Variants in RAB3GAP1 observed in about 807,000 individuals in gnomAD.
RAB3GAP1 encodes the protein rab3 GTPase-activating protein catalytic subunit.
Under a neutral mutation model 130.7 loss-of-function variants are expected in RAB3GAP1, and 86 were observed. The ratio of observed to expected loss-of-function variants is 0.66; its 90% CI spans 0.55 to 0.79. RAB3GAP1 has a LOEUF of 0.79. Among genes scored for constraint, RAB3GAP1 ranks in the 30% least tolerant of loss-of-function variants. The pLI, the probability that RAB3GAP1 is intolerant of heterozygous loss-of-function variation, is 0.00. For synonymous variants in RAB3GAP1, 367 were observed against 401.7 expected, an observed-to-expected ratio of 0.91 and a Z score of 1.03; for missense variants, 1,029 against 1,169.4, an observed-to-expected ratio of 0.88 and a Z score of 1.75.
At chr2:135,116,305 A>G (rs1690971313) in intron 7 of RAB3GAP1, among the ~76,000 whole-genome samples, 2 of 151,870 alleles carry the variant, frequency 1.3e-5, no homozygotes, top group South Asian at 4.1e-4. Flanking sequence ...AAATAAATAT[A>G]TTAATTATGA....
chr2:135,131,373 G>A (rs1212387218), intron 13 of RAB3GAP1, among the ~76,000 whole-genome samples: 9 of 151,958 alleles, frequency 5.9e-5, no homozygotes, highest in South Asian at 4.2e-4. Context: ...CTACAGTCAC[G>A]TGCCACCATG....
chr2:135,117,594 G>GCTTCTTCTTCTTCTT (rs1691038567), intron 7 of RAB3GAP1, among the ~76,000 whole-genome samples: 8 of 19,116 alleles, frequency 4.2e-4, no homozygotes, highest in African/African-American at 1.1e-3. Flanking sequence ...TTCTTCTTCT[G>GCTTCTTCTTCTTCTT]CTGCTTCTTC....
intron 6 of RAB3GAP1, 104 bp downstream of exon 6, chr2:135,113,374 C>A (rs1214135483): frequency 7.0e-7 from 1 of 1,425,246 alleles, no homozygotes; most frequent in Non-Finnish European, 9.8e-7. Flanking sequence ...TAATTAGGAA[C>A]TTAGTGCATA....
intron 3 of RAB3GAP1, among the ~76,000 whole-genome samples, chr2:135,083,972 C>T (rs1049647104): frequency 5.9e-5 from 9 of 151,804 alleles, no homozygotes; most frequent in African/African-American, 7.3e-5. Context: ...TGACCGGGTG[C>T]GGTGGCTCAT....
chr2:135,080,691 G>A (rs1316205308), intron 3 of RAB3GAP1, among the ~76,000 whole-genome samples: 1 of 152,116 alleles, frequency 6.6e-6, no homozygotes, highest in African/African-American at 2.4e-5. Context: ...CTTTGCTCAG[G>A]ATCTCTTCCT....
intron 4 of RAB3GAP1, among the ~76,000 whole-genome samples, chr2:135,091,340 A>G (rs1036445021): frequency 1.3e-5 from 2 of 152,190 alleles, no homozygotes; most frequent in African/African-American, 4.8e-5. Context: ...TTGAGTACCT[A>G]ACATGTACCA....
At chr2:135,157,911 C>G (rs1470025977) in intron 19 of RAB3GAP1, among the ~76,000 whole-genome samples, 1 of 151,282 alleles carries the variant, frequency 6.6e-6, no homozygotes, top group African/African-American at 2.4e-5. Context: ...ACGGGTACAG[C>G]AATTGTGAAA....
intron 19 of RAB3GAP1, among the ~76,000 whole-genome samples, chr2:135,157,755 C>G (rs1692350866): frequency 6.7e-6 from 1 of 150,208 alleles, no homozygotes; most frequent in Non-Finnish European, 1.5e-5. Context: ...TTGCTTGAAC[C>G]TGGGAGGCAG....
chr2:135,101,231 A>G (rs1376995480), intron 5 of RAB3GAP1, among the ~76,000 whole-genome samples: 1 of 152,150 alleles, frequency 6.6e-6, no homozygotes, highest in Non-Finnish European at 1.5e-5. Flanking sequence ...TAATAAATAC[A>G]TTTCTCAAAA....
chr2:135,094,202 T>TGG (rs1690226985), intron 5 of RAB3GAP1, among the ~76,000 whole-genome samples: 2 of 152,334 alleles, frequency 1.3e-5, no homozygotes, highest in African/African-American at 4.8e-5. Flanking sequence ...TCCCAGCTGT[T>TGG]GGCCAAGAGT....
At chr2:135,056,113 G>A (rs1160233760) in intron 2 of RAB3GAP1, among the ~76,000 whole-genome samples, 3 of 151,932 alleles carry the variant, frequency 2.0e-5, no homozygotes, top group Non-Finnish European at 2.9e-5. Flanking sequence ...TGGGATTACA[G>A]GCATGAGCCA....
chr2:135,117,591 TCTG>T (rs1405990682), intron 7 of RAB3GAP1, among the ~76,000 whole-genome samples: 121 of 58,308 alleles, frequency 2.1e-3, no homozygotes, highest in African/African-American at 4.0e-3. Flanking sequence ...TGCTTCTTCT[TCTG>T]CTGCTTCTTC....
intron 11 of RAB3GAP1, among the ~76,000 whole-genome samples, chr2:135,126,995 C>T (rs914892760): frequency 6.6e-6 from 1 of 151,990 alleles, no homozygotes; most frequent in South Asian, 2.1e-4. Flanking sequence ...CCTCCCTCAG[C>T]CTCCCGAGTA....
chr2:135,094,551 C>CT (rs1558772653), intron 5 of RAB3GAP1, among the ~76,000 whole-genome samples: 1 of 152,124 alleles, frequency 6.6e-6, no homozygotes, highest in African/African-American at 2.4e-5. Context: ...TCCCCATTAC[C>CT]CTTCTAAGCC....
At chr2:135,099,096 T>C (rs62170167) in intron 5 of RAB3GAP1, among the ~76,000 whole-genome samples, 6,396 of 152,230 alleles carry the variant, frequency 0.042, 160 homozygotes, top group African/African-American at 0.056. Context: ...CAGTAAAATA[T>C]TGAATAGGAG....
At chr2:135,115,429 G>A in intron 7 of RAB3GAP1, 48 bp downstream of exon 7, 3 of 1,536,298 alleles carry the variant, frequency 2.0e-6, no homozygotes, top group Non-Finnish European at 1.8e-6. Flanking sequence ...CCAGATAAAA[G>A]TAGAGATTTG....
chr2:135,086,525 G>T (rs1351462937), intron 3 of RAB3GAP1, among the ~76,000 whole-genome samples: 2 of 151,790 alleles, frequency 1.3e-5, no homozygotes, highest in East Asian at 3.9e-4. Context: ...CATTCATAGC[G>T]CTTTCTGCTG....
chr2:135,109,170 C>G (rs544840803), intron 5 of RAB3GAP1, among the ~76,000 whole-genome samples: 2 of 151,918 alleles, frequency 1.3e-5, no homozygotes, highest in Non-Finnish European at 2.9e-5. Context: ...TTTTTTGCTT[C>G]TGCTTGTGAA....
intron 3 of RAB3GAP1, among the ~76,000 whole-genome samples, chr2:135,075,557 A>G (rs1051306305): frequency 6.6e-6 from 1 of 151,410 alleles, no homozygotes; most frequent in Non-Finnish European, 1.5e-5. Flanking sequence ...ACATGTTCCT[A>G]TTGAAGAATA....
Sources: gnomAD v4.1 joint callset for allele counts (sites outside exome capture counted in the v4.1 genomes callset) on GRCh38, gnomAD v4.1.1 for gene constraint, MANE v1.5 for transcripts, NCBI Gene and HGNC (gene_info 2026-07-23, HGNC 2026-07-21) for gene names.